The following CADPS variants were observed in gnomAD, a reference collection of about 807,000 sequenced individuals.
CADPS encodes calcium-dependent secretion activator 1.
Under a neutral mutation model 167.3 loss-of-function variants are expected in CADPS, and 57 were observed. That is an observed-to-expected ratio of 0.34 (90% CI 0.28 to 0.42). The LOEUF is 0.42. Among genes scored for constraint, CADPS ranks in the 20% least tolerant of loss-of-function variants. CADPS has a pLI of 1.00. For missense variants in CADPS, 1,414 were observed against 1,738.1 expected (o/e 0.81, Z 3.32); for synonymous variants, 676 against 635.3 (o/e 1.06, Z -0.96).
intron 3 of CADPS, among the ~76,000 whole-genome samples, chr3:62,695,394 A>T (rs1164077964): frequency 6.6e-6 from 1 of 152,098 alleles, no homozygotes; most frequent in Non-Finnish European, 1.5e-5. Flanking sequence ...GGCCCTGCAA[A>T]GCTGTCTGTT....
At chr3:62,641,042 C>T (rs762972388) in intron 6 of CADPS, among the ~76,000 whole-genome samples, 1 of 152,028 alleles carries the variant, frequency 6.6e-6, no homozygotes, top group Non-Finnish European at 1.5e-5. Context: ...ATCCAGGTAC[C>T]ACCTGTGCTA....
At chr3:62,676,807 T>A (rs11706343) in intron 3 of CADPS, among the ~76,000 whole-genome samples, 12,048 of 152,226 alleles carry the variant, frequency 0.079, 628 homozygotes, top group Non-Finnish European at 0.12. Context: ...GCCTGACATG[T>A]GCAGTTGTGT....
chr3:62,599,694 TAA>T (rs2059477870), intron 6 of CADPS, among the ~76,000 whole-genome samples: 1 of 50,328 alleles, frequency 2.0e-5, no homozygotes, highest in African/African-American at 8.5e-5. Context: ...TATAATATTA[TAA>T]TATATATATT....
At chr3:62,742,913 G>T (rs1310412389) in intron 3 of CADPS, among the ~76,000 whole-genome samples, 1 of 152,000 alleles carries the variant, frequency 6.6e-6, no homozygotes, top group African/African-American at 2.4e-5. Context: ...GCATCTATAA[G>T]GAACTTAAAC....
At chr3:62,498,720 A>C (rs1181803276) in intron 18 of CADPS, among the ~76,000 whole-genome samples, 1 of 152,124 alleles carries the variant, frequency 6.6e-6, no homozygotes, top group African/African-American at 2.4e-5. Context: ...GATGAAAAAA[A>C]AAATGAAGAC....
intron 6 of CADPS, among the ~76,000 whole-genome samples, chr3:62,612,191 G>C (rs956044085): frequency 2.0e-5 from 3 of 152,188 alleles, no homozygotes; most frequent in Non-Finnish European, 4.4e-5. Flanking sequence ...ATATAACTAT[G>C]AGAAGCTACT....
intron 3 of CADPS, among the ~76,000 whole-genome samples, chr3:62,713,623 A>G (rs1161357100): frequency 6.6e-6 from 1 of 152,130 alleles, no homozygotes; most frequent in East Asian, 1.9e-4. Flanking sequence ...CTGCTGCTGT[A>G]CCCTGCCGCT....
At chr3:62,663,131 C>T (rs2073674973) in intron 3 of CADPS, among the ~76,000 whole-genome samples, 1 of 152,158 alleles carries the variant, frequency 6.6e-6, no homozygotes, top group South Asian at 2.1e-4. Flanking sequence ...GAGTAGCAGA[C>T]ATTTCTGTAA....
At chr3:62,568,920 G>C (rs2080789425) in intron 9 of CADPS, among the ~76,000 whole-genome samples, 1 of 152,094 alleles carries the variant, frequency 6.6e-6, no homozygotes, top group Admixed American at 6.5e-5. Context: ...TCTGCTGTTT[G>C]CATATGTAGA....
At position 62,602,681 on chromosome 3, in the gene CADPS, G is replaced by A. The variant is rs1166083596; in HGVS notation, c.1326-9933C>T. 1.3e-5 allele frequency among the ~76,000 whole-genome samples: 2 copies of A among 152,148 alleles called. No homozygotes were observed. The highest frequency in any genetic ancestry group is 4.8e-5 in the African/African-American group (2 of 41,424). ...TCTCATCTACATAAGTGAGGCGTTT[G>A]CTTTGTAGAAATTGGGCTGTCTGGG... On this transcript the variant is annotated intron_variant, in intron 6 of 29. Coordinates refer to ENST00000383710, the MANE Select transcript of CADPS (RefSeq NM_003716.4). The surrounding 1 kb of genome is among the most constrained non-coding windows in gnomAD (Gnocchi z 4.4).
intron 8 of CADPS, among the ~76,000 whole-genome samples, chr3:62,574,884 C>G (rs1028449519): frequency 2.0e-5 from 3 of 152,100 alleles, no homozygotes; most frequent in Non-Finnish European, 4.4e-5. Context: ...AATCTCTGTA[C>G]GGACAGAGAA....
intron 3 of CADPS, among the ~76,000 whole-genome samples, chr3:62,722,568 C>T (rs991903462): frequency 6.6e-6 from 1 of 152,208 alleles, no homozygotes; most frequent in Non-Finnish European, 1.5e-5. Flanking sequence ...CTTTCACAGG[C>T]TCATTTGCCT....
At chr3:62,629,050 A>G (rs774671071) in intron 6 of CADPS, among the ~76,000 whole-genome samples, 2 of 151,810 alleles carry the variant, frequency 1.3e-5, no homozygotes, top group African/African-American at 2.4e-5. Flanking sequence ...CCTTATGTCT[A>G]CTCTCTTAAG....
intron 6 of CADPS, among the ~76,000 whole-genome samples, chr3:62,624,847 T>G (rs1377464596): frequency 6.6e-6 from 1 of 152,082 alleles, no homozygotes; most frequent in Non-Finnish European, 1.5e-5. Flanking sequence ...GGCTTGGACC[T>G]CCAGGAGCCA....
intron 3 of CADPS, among the ~76,000 whole-genome samples, chr3:62,750,175 A>G (rs2082376614): frequency 6.6e-6 from 1 of 151,654 alleles, no homozygotes; most frequent in Non-Finnish European, 1.5e-5. Context: ...AACATGGAAA[A>G]ACCCACCTCT....
intron 28 of CADPS, among the ~76,000 whole-genome samples, chr3:62,407,349 T>C (rs1200145173): frequency 6.6e-6 from 1 of 152,212 alleles, no homozygotes; most frequent in Non-Finnish European, 1.5e-5. Flanking sequence ...TGCAATTGTG[T>C]TGTAAAGTTT....
At chr3:62,406,048 G>A (rs1056635119) in intron 28 of CADPS, among the ~76,000 whole-genome samples, 4 of 152,212 alleles carry the variant, frequency 2.6e-5, no homozygotes, top group Non-Finnish European at 5.9e-5. Context: ...GGAAGCAGCA[G>A]CTCTCCAAGA....
intron 1 of CADPS, among the ~76,000 whole-genome samples, chr3:62,846,528 T>C (rs1466200578): frequency 6.6e-6 from 1 of 152,170 alleles, no homozygotes; most frequent in Non-Finnish European, 1.5e-5. Context: ...TGGTCTGAAG[T>C]ACAGTCATGA....
intron 6 of CADPS, among the ~76,000 whole-genome samples, chr3:62,641,481 A>G (rs2067403600): frequency 6.6e-6 from 1 of 152,126 alleles, no homozygotes; most frequent in African/African-American, 2.4e-5. Context: ...CCTCTGCTCT[A>G]TTTCAAAGAG....
Sources: gnomAD v4.1 joint callset for allele counts (sites outside exome capture counted in the v4.1 genomes callset) on GRCh38, gnomAD v4.1.1 for gene constraint, Gnocchi (gnomAD v3.1) non-coding constraint, MANE v1.5 for transcripts, NCBI Gene and HGNC (gene_info 2026-07-23, HGNC 2026-07-21) for gene names.